The following SLC9A9 variants were observed in gnomAD, a reference collection of about 807,000 sequenced individuals.
SLC9A9 encodes the protein sodium/hydrogen exchanger 9.
A neutral mutation model predicts 77.8 loss-of-function variants in SLC9A9; 62 were observed. That is an observed-to-expected ratio of 0.80 (90% CI 0.65 to 0.98). The LOEUF (loss-of-function observed/expected upper bound fraction) is 0.98, where lower values mean the gene tolerates loss of function less well. SLC9A9 is among the 50% of genes least tolerant of loss of function. The pLI, the probability that SLC9A9 is intolerant of heterozygous loss-of-function variation, is 0.00. For synonymous variants in SLC9A9, 320 were observed against 283.5 expected (o/e 1.13, Z -1.29); for missense variants, 775 against 774.9 (o/e 1.00, Z 0.00).
At chr3:143,592,354 G>A (rs1462765341) in intron 6 of SLC9A9, among the ~76,000 whole-genome samples, 1 of 152,152 alleles carries the variant, frequency 6.6e-6, no homozygotes, top group Non-Finnish European at 1.5e-5. Context: ...ACTGGTCACT[G>A]CACTCTAGCC....
At chr3:143,669,494 C>T (rs1438852395) in intron 5 of SLC9A9, among the ~76,000 whole-genome samples, 1 of 152,178 alleles carries the variant, frequency 6.6e-6, no homozygotes, top group Non-Finnish European at 1.5e-5. Context: ...TTCAGAACAC[C>T]TGGAGCCTTG....
At chr3:143,718,352 A>G (rs1416576505) in intron 4 of SLC9A9, among the ~76,000 whole-genome samples, 1 of 152,170 alleles carries the variant, frequency 6.6e-6, no homozygotes, top group Non-Finnish European at 1.5e-5. Flanking sequence ...GAAGAAACTC[A>G]GGGGAAAATG....
intron 9 of SLC9A9, among the ~76,000 whole-genome samples, chr3:143,518,639 G>A (rs190587752): frequency 3.3e-5 from 5 of 152,240 alleles, no homozygotes; most frequent in East Asian, 3.9e-4. Context: ...TCAAATTTAC[G>A]TAAGTGAAAT....
chr3:143,394,434 G>T (rs548258890), intron 12 of SLC9A9, among the ~76,000 whole-genome samples: 1 of 152,222 alleles, frequency 6.6e-6, no homozygotes, highest in African/African-American at 2.4e-5. Flanking sequence ...AATAAATTAG[G>T]TATTGATGGG....
chr3:143,837,516 G>A (rs1190357753), intron 1 of SLC9A9, among the ~76,000 whole-genome samples: 1 of 152,222 alleles, frequency 6.6e-6, no homozygotes, highest in East Asian at 1.9e-4. Flanking sequence ...AGAAGATATA[G>A]CCTCAAACCA....
intron 4 of SLC9A9, among the ~76,000 whole-genome samples, chr3:143,745,321 C>A (rs974891513): frequency 1.3e-5 from 2 of 152,134 alleles, no homozygotes; most frequent in African/African-American, 4.8e-5. Flanking sequence ...TGATGAAGTA[C>A]AGCAGAAGGC....
At chr3:143,575,950 C>T (rs2037351065) in intron 7 of SLC9A9, among the ~76,000 whole-genome samples, 1 of 152,152 alleles carries the variant, frequency 6.6e-6, no homozygotes, top group Admixed American at 6.5e-5. Flanking sequence ...CGATCAATGT[C>T]ACCACTGTTA....
chr3:143,570,277 A>T (rs1219973899), intron 8 of SLC9A9, among the ~76,000 whole-genome samples: 1 of 152,182 alleles, frequency 6.6e-6, no homozygotes, highest in Non-Finnish European at 1.5e-5. Context: ...TCTCCTTCAT[A>T]AAAATATAAT....
intron 9 of SLC9A9, among the ~76,000 whole-genome samples, chr3:143,541,217 T>G (rs1055962381): frequency 1.2e-4 from 18 of 152,252 alleles, no homozygotes; most frequent in Admixed American, 7.9e-4. Flanking sequence ...CCATTGCTTC[T>G]GTCTTTTTGC....
chr3:143,717,155 A>T (rs1342300651), intron 4 of SLC9A9, among the ~76,000 whole-genome samples: 1 of 152,190 alleles, frequency 6.6e-6, no homozygotes, highest in East Asian at 1.9e-4. Flanking sequence ...TGCTTTTCCA[A>T]CCATGATGTG....
chr3:143,318,668 T>C (rs1441518834), intron 14 of SLC9A9, among the ~76,000 whole-genome samples: 1 of 152,150 alleles, frequency 6.6e-6, no homozygotes, highest in African/African-American at 2.4e-5. Context: ...CTCCCTGACA[T>C]GGAGTGGGGT....
chr3:143,338,363 A>T (rs1009299089), intron 14 of SLC9A9, among the ~76,000 whole-genome samples: 5 of 152,202 alleles, frequency 3.3e-5, no homozygotes, highest in African/African-American at 4.8e-5. Context: ...GTATTTCTCT[A>T]TGTCAGACTG....
intron 14 of SLC9A9, among the ~76,000 whole-genome samples, chr3:143,360,430 C>G (rs1194454188): frequency 6.6e-6 from 1 of 152,146 alleles, no homozygotes; most frequent in Non-Finnish European, 1.5e-5. Context: ...AGGCTTCTTT[C>G]CAACAGGGGA....
intron 12 of SLC9A9, among the ~76,000 whole-genome samples, chr3:143,413,371 G>A (rs574000705): frequency 7.5e-4 from 114 of 152,282 alleles, no homozygotes; most frequent in Middle Eastern, 6.8e-3. Context: ...AGTCCTGGGG[G>A]ATGTTCAAGA....
chr3:143,464,688 CATTTCCTGG>C (rs2035254988), intron 12 of SLC9A9, among the ~76,000 whole-genome samples: 2 of 152,264 alleles, frequency 1.3e-5, no homozygotes, highest in South Asian at 4.2e-4. Context: ...GCAACAGAGG[CATTTCCTGG>C]ATGTGGTAGA....
Position 143,539,862 on chromosome 3 carries a change from A to G in SLC9A9, c.1089+12500T>C, listed in dbSNP as rs184252086. Among the ~76,000 whole-genome samples the G allele has an allele frequency of 3.3e-3, 476 of 146,156 alleles. 4 individuals are homozygous for G. Among genetic ancestry groups the G allele is most frequent in the Non-Finnish European group, 1.9e-3 (125 of 66,390 alleles). ...TTGATGATGGTAGTTTTTGTTTTCT[A>G]AAAGTGAAAAATTAAGAGAGAGAGA... is the stretch of plus-strand genomic sequence containing the variant. On this transcript the variant is annotated intron_variant, in intron 9 of 15. Coordinates refer to ENST00000316549, the MANE Select transcript of SLC9A9 (RefSeq NM_173653.4).
At chr3:143,471,584 A>G (rs2035378858) in intron 11 of SLC9A9, among the ~76,000 whole-genome samples, 1 of 152,226 alleles carries the variant, frequency 6.6e-6, no homozygotes, top group Non-Finnish European at 1.5e-5. Flanking sequence ...CAAGAAATCT[A>G]GAACTTGTCA....
chr3:143,387,138 G>A (rs974988794), intron 12 of SLC9A9, among the ~76,000 whole-genome samples: 3 of 152,134 alleles, frequency 2.0e-5, no homozygotes, highest in Non-Finnish European at 4.4e-5. Flanking sequence ...ACTGTGCCTC[G>A]CCTGGTTTGG....
intron 4 of SLC9A9, among the ~76,000 whole-genome samples, chr3:143,733,709 G>A (rs750453431): frequency 4.6e-5 from 7 of 151,966 alleles, no homozygotes; most frequent in Admixed American, 3.3e-4. Context: ...ATGAGAACAC[G>A]GTGGTCATCT....
Sources: gnomAD v4.1 joint callset for allele counts (sites outside exome capture counted in the v4.1 genomes callset) on GRCh38, gnomAD v4.1.1 for gene constraint, MANE v1.5 for transcripts, NCBI Gene and HGNC (gene_info 2026-07-23, HGNC 2026-07-21) for gene names.